SEPTIN10: variants seen among roughly 807,000 people sequenced by gnomAD.
The protein encoded by SEPTIN10 is septin 10, also known as septin-10.
A neutral mutation model predicts 54.8 loss-of-function variants in SEPTIN10; 66 were observed. The ratio of observed to expected loss-of-function variants is 1.21; its 90% CI spans 0.99 to 1.48. The LOEUF (loss-of-function observed/expected upper bound fraction) is 1.48. SEPTIN10 is among the 40% of genes most tolerant of loss of function. The pLI, the probability that SEPTIN10 is intolerant of heterozygous loss-of-function variation, is 0.00. For missense variants in SEPTIN10, 620 were observed against 545.6 expected (o/e 1.14, Z -1.36); for synonymous variants, 161 against 181.0 (o/e 0.89, Z 0.89).
chr2:109,576,711 G>T (rs923261707), intron 4 of SEPTIN10, among the ~76,000 whole-genome samples: 2 of 152,060 alleles, frequency 1.3e-5, no homozygotes, highest in East Asian at 3.9e-4. Context: ...TGAATGTTTT[G>T]TCTTATGCTA....
At chr2:109,611,275 C>T (rs1379526173) in intron 1 of SEPTIN10, among the ~76,000 whole-genome samples, 3 of 152,018 alleles carry the variant, frequency 2.0e-5, no homozygotes, top group Non-Finnish European at 4.4e-5. Context: ...TAAGGTTAGG[C>T]AAAGAGTTCT....
At chr2:109,587,586 G>A (rs1692860552) in intron 2 of SEPTIN10, among the ~76,000 whole-genome samples, 1 of 152,034 alleles carries the variant, frequency 6.6e-6, no homozygotes, top group East Asian at 1.9e-4. Context: ...TCACATCTAG[G>A]GACATCACAG....
intron 10 of SEPTIN10, chr2:109,545,639 C>T: frequency 6.6e-7 from 1 of 1,505,982 alleles, no homozygotes; most frequent in Non-Finnish European, 8.8e-7. Context: ...TATCTTATGT[C>T]TATAATTCCC....
At chr2:109,548,269 T>C (rs967855302) in intron 9 of SEPTIN10, among the ~76,000 whole-genome samples, 19 of 152,160 alleles carry the variant, frequency 1.2e-4, no homozygotes, top group African/African-American at 4.6e-4. Context: ...GTCTAGAATC[T>C]ACATTTTAAA....
chr2:109,590,327 C>T (rs192573195), intron 2 of SEPTIN10, among the ~76,000 whole-genome samples: 30 of 152,114 alleles, frequency 2.0e-4, no homozygotes, highest in Middle Eastern at 3.4e-3. Context: ...ACCTAGGTGT[C>T]TCTGAGAAGA....
intron 1 of SEPTIN10, among the ~76,000 whole-genome samples, chr2:109,594,080 T>G (rs1335880476): frequency 2.0e-5 from 3 of 152,158 alleles, no homozygotes; most frequent in African/African-American, 7.2e-5. Context: ...ACTGCCAAAC[T>G]GGTGTTCCTT....
intron 4 of SEPTIN10, among the ~76,000 whole-genome samples, chr2:109,576,053 T>C (rs948019400): frequency 2.0e-5 from 3 of 151,768 alleles, no homozygotes; most frequent in African/African-American, 4.8e-5. Flanking sequence ...GGCCAGGAGT[T>C]CAAGAACAGC....
chr2:109,572,264 G>A (rs935550645), intron 5 of SEPTIN10, among the ~76,000 whole-genome samples: 7 of 152,060 alleles, frequency 4.6e-5, no homozygotes, highest in African/African-American at 1.4e-4. Context: ...CCGAGTAGCC[G>A]GGACTACTGG....
At chr2:109,561,626 C>A (rs944303907) in intron 8 of SEPTIN10, among the ~76,000 whole-genome samples, 2 of 152,140 alleles carry the variant, frequency 1.3e-5, no homozygotes, top group African/African-American at 4.8e-5. Flanking sequence ...AAACTCTTCA[C>A]CTGAATATTT....
At chr2:109,594,128 G>A (rs1166669965) in intron 1 of SEPTIN10, among the ~76,000 whole-genome samples, 2 of 152,150 alleles carry the variant, frequency 1.3e-5, no homozygotes, top group South Asian at 2.1e-4. Context: ...GATATTCACT[G>A]TTCGCAACAG....
rs1692406694 is a variant in SEPTIN10, at chr2:109,585,855, A to C, written c.100-17T>G. 6.3e-7 allele frequency: 1 copy of C among 1,596,056 alleles called. No individual in the cohort carries two copies. The highest frequency in any genetic ancestry group is 1.3e-5 in the African/African-American group (1 of 74,518). ...TTCTCTTTTCTGAAGGAAAATAAAA[A>C]CAAAAACAACAGCAATAAAAAAAAC... On this transcript the variant is annotated splice_polypyrimidine_tract_variant and intron_variant, in intron 2 of 10. Coordinates refer to ENST00000397712, the MANE Select transcript of SEPTIN10 (RefSeq NM_144710.5).
At chr2:109,571,575 C>T (rs1440234482) in intron 5 of SEPTIN10, among the ~76,000 whole-genome samples, 2 of 152,162 alleles carry the variant, frequency 1.3e-5, no homozygotes, top group African/African-American at 4.8e-5. Context: ...ACATATAATA[C>T]AGTACAGTAA....
At chr2:109,609,064 T>C (rs555316868) in intron 1 of SEPTIN10, among the ~76,000 whole-genome samples, 15 of 152,312 alleles carry the variant, frequency 9.8e-5, no homozygotes, top group Admixed American at 4.6e-4. Flanking sequence ...AATCAATCAA[T>C]TAATCCAAAC....
At chr2:109,613,534 A>C in intron 1 of SEPTIN10, 3 of 244,206 alleles carry the variant, frequency 1.2e-5, no homozygotes, top group East Asian at 9.1e-5. Context: ...AAGACCGGGA[A>C]GTCGTTCAAG....
Position 109,574,755 on chromosome 2 carries a change from T to G in SEPTIN10, c.426A>C (p.Ile142=). 1 of 1,579,412 alleles carries G rather than the reference T, an allele frequency of 6.3e-7. No individual in the cohort carries two copies. Among genetic ancestry groups the G allele is most frequent in the South Asian group, 1.2e-5 (1 of 84,336 alleles). ...CAAACTGAGCATCTATGTAGTCAACTATTGGTTGGTAGCTGAAAAATTATT... is the reference window on the plus strand; with the variant it reads ...CAAACTGAGCATCTATGTAGTCAACGATTGGTTGGTAGCTGAAAAATTATT... The part of the protein sequence containing the change: ...QINKEESYQP[I]VDYIDAQFEA... The change falls in exon 5 of 11, where the codon ATA becomes ATC. Residue 142 remains isoleucine, a synonymous_variant. Coordinates refer to ENST00000397712, the MANE Select transcript of SEPTIN10 (RefSeq NM_144710.5).
intron 4 of SEPTIN10, among the ~76,000 whole-genome samples, chr2:109,576,325 C>T (rs759756862): frequency 2.0e-5 from 3 of 151,968 alleles, no homozygotes; most frequent in Non-Finnish European, 4.4e-5. Flanking sequence ...TCTTGAACTC[C>T]TGGCCTTAAG....
chr2:109,566,467 A>G (rs1349762244), intron 6 of SEPTIN10, among the ~76,000 whole-genome samples: 4 of 152,156 alleles, frequency 2.6e-5, no homozygotes, highest in Non-Finnish European at 5.9e-5. Context: ...TCTAAAAGAC[A>G]AAGATAATGT....
chr2:109,580,305 T>C (rs1020546863), intron 4 of SEPTIN10, among the ~76,000 whole-genome samples: 2 of 149,560 alleles, frequency 1.3e-5, no homozygotes, highest in African/African-American at 4.9e-5. Context: ...TAACTCACCT[T>C]ACTAAAGATT....
intron 8 of SEPTIN10, among the ~76,000 whole-genome samples, chr2:109,555,179 G>A (rs1684077378): frequency 6.6e-6 from 1 of 152,110 alleles, no homozygotes; most frequent in African/African-American, 2.4e-5. Context: ...CCACATTAAA[G>A]TTATGCTATC....
Sources: gnomAD v4.1 joint callset for allele counts (sites outside exome capture counted in the v4.1 genomes callset) on GRCh38, gnomAD v4.1.1 for gene constraint, MANE v1.5 for transcripts, NCBI Gene and HGNC (gene_info 2026-07-23, HGNC 2026-07-21) for gene names.